YEATS2: variants seen among roughly 807,000 people sequenced by gnomAD.
YEATS2 encodes the protein YEATS domain containing 2.
YEATS2 carries 77 observed loss-of-function variants against 163.2 expected under a neutral mutation model. That is an observed-to-expected ratio of 0.47 (90% CI 0.39 to 0.57). YEATS2 has a LOEUF of 0.57. YEATS2 is among the 20% of genes least tolerant of loss of function. YEATS2 has a pLI of 0.00. For missense variants in YEATS2, 1,549 were observed against 1,729.8 expected, an observed-to-expected ratio of 0.90 and a Z score of 1.85; for synonymous variants, 631 against 645.1, an observed-to-expected ratio of 0.98 and a Z score of 0.33.
chr3:183,806,789 C>T (rs1726251279), intron 27 of YEATS2, 77 bp from the exon 28 acceptor site: 5 of 1,491,216 alleles, frequency 3.4e-6, no homozygotes, highest in Middle Eastern at 1.8e-4. Context: ...CTTCCTCAGA[C>T]CATGGGTCTC....
chr3:183,728,798 G>T lies in YEATS2; in HGVS notation c.759G>T (p.Lys253Asn). 1 of 1,614,084 alleles carries T rather than the reference G, an allele frequency of 6.2e-7. No homozygotes were observed. The highest frequency in any genetic ancestry group is 8.5e-7 in the Non-Finnish European group (1 of 1,179,994). Reference protein sequence around the residue: ...REPSINHFVKKVWFFLHPSYK... With the variant: ...REPSINHFVKNVWFFLHPSYK... ...CCAGCATTAATCATTTTGTCAAGAA[G>T]GTTTGGTTCTTCCTTCATCCTAGCT... Residue 253 changes from lysine (K) to asparagine (N), a missense_variant, in exon 7 of 31, where the codon AAG becomes AAT. Transcript: ENST00000305135.
intron 6 of YEATS2, among the ~76,000 whole-genome samples, chr3:183,728,353 C>G (rs1468402917): frequency 6.6e-6 from 1 of 152,168 alleles, no homozygotes; most frequent in Non-Finnish European, 1.5e-5. Flanking sequence ...GCTGATTTTG[C>G]TCCCCTCTGG....
In YEATS2 at chr3:183,724,437, G is replaced by A; in HGVS notation, c.556G>A (p.Gly186Ser). 6.2e-7 allele frequency: 1 copy of A among 1,611,768 alleles called. No homozygotes were observed. The highest frequency in any genetic ancestry group is 2.2e-5 in the East Asian group (1 of 44,788). The change falls in exon 6 of 31, where the codon GGC becomes AGC. Residue 186 changes from glycine (G) to serine (S), a missense_variant. Transcript: ENST00000305135. ...TTTTCAGGATACTTCTAGAATTACT[G>A]GCTCCCATAAAACAGAACAGCGGAA... is the stretch of plus-strand genomic sequence containing the variant. Reference protein sequence around the residue: ...NTGRDTSRITGSHKTEQRNAD... With the variant: ...NTGRDTSRITSSHKTEQRNAD...
chr3:183,734,756 A>G (rs1718164474), intron 7 of YEATS2, among the ~76,000 whole-genome samples: 1 of 152,220 alleles, frequency 6.6e-6, no homozygotes, highest in Non-Finnish European at 1.5e-5. Flanking sequence ...ATGATTGGCC[A>G]TATGAATAAA....
chr3:183,762,351 G>A (rs1721454465), intron 15 of YEATS2, 72 bp downstream of exon 15: 1 of 1,490,830 alleles, frequency 6.7e-7, no homozygotes, highest in Non-Finnish European at 8.9e-7. Context: ...GACAAGTGCT[G>A]AAAAGATTCA....
At chr3:183,723,610 T>C (rs1171812628) in intron 5 of YEATS2, among the ~76,000 whole-genome samples, 1 of 152,196 alleles carries the variant, frequency 6.6e-6, no homozygotes. Context: ...TTTTCTTTTT[T>C]TTAGTTAAAA....
At chr3:183,809,028 G>T (rs1726519863) in intron 29 of YEATS2, 69 bp from the exon 30 acceptor site, 1 of 1,528,066 alleles carries the variant, frequency 6.5e-7, no homozygotes, top group Non-Finnish European at 9.1e-7. Flanking sequence ...TAAGGGATGG[G>T]GTTAAATGTG....
At chr3:183,786,547 CAGAA>C (rs1439800663) in intron 20 of YEATS2, among the ~76,000 whole-genome samples, 3 of 152,092 alleles carry the variant, frequency 2.0e-5, no homozygotes, top group African/African-American at 7.2e-5. Flanking sequence ...TTTATCATCC[CAGAA>C]AGAAGCCCAA....
At chr3:183,773,384 C>A (rs570798022) in intron 16 of YEATS2, among the ~76,000 whole-genome samples, 4 of 152,272 alleles carry the variant, frequency 2.6e-5, no homozygotes, top group African/African-American at 9.6e-5. Context: ...AGAACCAGGA[C>A]GTACGATCAT....
chr3:183,810,575 G>T lies in YEATS2; in HGVS notation c.4261G>T (p.Asp1421Tyr). The change falls in exon 31 of 31, where the codon GAC becomes TAC. Residue 1421 changes from aspartate (D) to tyrosine (Y), a missense_variant. Physicochemically the swap from Asp to Tyr is radical, Grantham distance 160. Transcript: ENST00000305135. ...TNKHMGILNE[D>Y]Q ...CAAACACATGGGAATATTGAATGAG[G>T]ACCAGTGAGCGGAGTGAGGTGCCCT... The T allele has an allele frequency of 1.2e-6, 2 of 1,613,854 alleles. No homozygotes were observed. Among genetic ancestry groups the T allele is most frequent in the South Asian group, 2.2e-5 (2 of 91,036 alleles).
chr3:183,712,328 C>T (rs201093407), intron 1 of YEATS2, among the ~76,000 whole-genome samples: 5 of 151,540 alleles, frequency 3.3e-5, no homozygotes, highest in East Asian at 3.9e-4. Context: ...CATGCCTCAG[C>T]GTCCTGAGTA....
Position 183,728,667 on chromosome 3 carries a change from G to A in YEATS2, c.651-23G>A, listed in dbSNP as rs189240224. 5.9e-6 allele frequency: 9 copies of A among 1,523,586 alleles called. No homozygotes were observed. In the African/African-American group the frequency reaches 1.3e-4, roughly 21 times the overall value. The allele number at this position is 1,523,586 out of a possible 1,614,324, so 94.4% of individuals were successfully genotyped here. ...TTTTTGAAGGACGAAAAGAATTCAG[G>A]TTTCTTTTTTCTTCTTCTCTAGGTA... On this transcript the variant is annotated intron_variant, in intron 6 of 30. Transcript: ENST00000305135.
At chr3:183,790,321 G>A (rs973049182) in intron 20 of YEATS2, among the ~76,000 whole-genome samples, 2 of 152,088 alleles carry the variant, frequency 1.3e-5, no homozygotes, top group African/African-American at 2.4e-5. Flanking sequence ...TTCCTTGGTC[G>A]CTTTTCTCTC....
chr3:183,722,012 C>G lies in YEATS2; in HGVS notation c.413C>G (p.Ser138Ter). The G allele has an allele frequency of 6.2e-7, 1 of 1,614,138 alleles. No homozygotes were observed. Among genetic ancestry groups the G allele is most frequent in the Non-Finnish European group, 8.5e-7 (1 of 1,180,028 alleles). ...GCAGAAACACCATCAGCCAATCATT[C>G]AGAAAGTGATTCTTTATCTCAGCAC... is the stretch of plus-strand genomic sequence containing the variant. ...QRAETPSANH[S>*]ESDSLSQHND... is the part of the protein sequence containing the mutation. The change falls in exon 5 of 31, where the codon TCA becomes TGA. Residue 138 changes from serine (S) to a stop codon, truncating the protein, a stop_gained. Transcript: ENST00000305135. LOFTEE classifies it high-confidence loss of function.
chr3:183,756,369 C>T (rs931312628), intron 11 of YEATS2, among the ~76,000 whole-genome samples, 159 bp from the exon 12 acceptor site: 4 of 152,210 alleles, frequency 2.6e-5, no homozygotes, highest in African/African-American at 7.2e-5. Context: ...CTTTGTACCT[C>T]TGTTGCTGCT....
chr3:183,708,330 T>C (rs1714836295), intron 1 of YEATS2, among the ~76,000 whole-genome samples: 1 of 151,804 alleles, frequency 6.6e-6, no homozygotes, highest in African/African-American at 2.4e-5. Flanking sequence ...TCCAGCTAAT[T>C]TTTGTATTTT....
intron 7 of YEATS2, among the ~76,000 whole-genome samples, chr3:183,736,294 G>A (rs1718334496): frequency 6.6e-6 from 1 of 152,164 alleles, no homozygotes; most frequent in African/African-American, 2.4e-5. Flanking sequence ...TCTCAGTTGA[G>A]CATGTTCATG....
Position 183,775,611 on chromosome 3 carries a change from G to A in YEATS2, c.2369-304G>A, listed in dbSNP as rs74918707. ...TCCGTCTCAAAAAAATACTTGGCTA[G>A]AAAATGTCAGTAGCAAGCCTTCTCT... On this transcript the variant is annotated intron_variant, in intron 17 of 30. Coordinates refer to ENST00000305135, the MANE Select transcript of YEATS2 (RefSeq NM_018023.5). 2.3e-3 allele frequency among the ~76,000 whole-genome samples: 357 copies of A among 152,214 alleles called. 15 individuals carry two copies. The East Asian group carries it at 0.065, about 28-fold the overall frequency.
intron 1 of YEATS2, among the ~76,000 whole-genome samples, chr3:183,701,085 A>AAT (rs1560210229): frequency 7.2e-4 from 102 of 142,640 alleles, no homozygotes; most frequent in African/African-American, 2.4e-3. Flanking sequence ...ATATATATAA[A>AAT]TTTTTTTTTT....
Sources: gnomAD v4.1 joint callset for allele counts (sites outside exome capture counted in the v4.1 genomes callset) on GRCh38, gnomAD v4.1.1 for gene constraint, MANE v1.5 for transcripts, NCBI Gene and HGNC (gene_info 2026-07-23, HGNC 2026-07-21) for gene names.